NCS1: variants seen among roughly 807,000 people sequenced by gnomAD.
NCS1 encodes frequenin homolog.
NCS1 carries 6 observed loss-of-function variants against 28.4 expected under a neutral mutation model. The observed-to-expected ratio is 0.21, with a 90% CI of 0.12 to 0.42. NCS1 has a LOEUF of 0.42. NCS1 is among the 10% of genes least tolerant of loss of function. The pLI, the probability that NCS1 is intolerant of heterozygous loss-of-function variation, is 1.00. For synonymous variants in NCS1, 86 were observed against 99.3 expected, an observed-to-expected ratio of 0.87 and a Z score of 0.79; for missense variants, 131 against 241.4, an observed-to-expected ratio of 0.54 and a Z score of 3.03.
At chr9:130,182,872 A>G (rs2131118842) in intron 1 of NCS1, among the ~76,000 whole-genome samples, 1 of 152,282 alleles carries the variant, frequency 6.6e-6, no homozygotes, top group South Asian at 2.1e-4. Context: ...CTTCGGAGGT[A>G]TCTGTCCGAC....
At chr9:130,173,104 C>A (rs1832510624) in intron 1 of NCS1, among the ~76,000 whole-genome samples, 1 of 152,102 alleles carries the variant, frequency 6.6e-6, no homozygotes, top group Non-Finnish European at 1.5e-5. Flanking sequence ...AGCCGACTGG[C>A]ACGAGCGCGC....
intron 1 of NCS1, among the ~76,000 whole-genome samples, chr9:130,187,653 C>G (rs541799361): frequency 2.4e-4 from 37 of 152,304 alleles, no homozygotes; most frequent in Non-Finnish European, 2.9e-4. Context: ...GCTGGTTCCA[C>G]CCCTGGTGCC....
chr9:130,234,178 G>A lies in NCS1; in HGVS notation c.*1206G>A, dbSNP rs34954279. On this transcript the variant is annotated 3_prime_UTR_variant, in exon 8 of 8. Transcript: ENST00000372398. This position sits in a 1 kb window ranked among gnomAD's most constrained non-coding sequence, Gnocchi z 6.1. ...GGGAGGGGATTTCAAGATAGTTCATGACTCTCTCCCGCTCTGCCTTCCCTC... is the reference window on the plus strand; with the variant it reads ...GGGAGGGGATTTCAAGATAGTTCATAACTCTCTCCCGCTCTGCCTTCCCTC... 6,190 of 152,278 alleles carry A rather than the reference G, an allele frequency of 0.041. 175 individuals are homozygous for A. Among genetic ancestry groups the A allele is most frequent in the Non-Finnish European group, 0.054 (3,693 of 68,040 alleles). The allele number at this position is 152,278 out of a possible 1,614,324, so 9.4% of individuals were successfully genotyped here.
At chr9:130,178,688 G>T (rs1366669999) in intron 1 of NCS1, among the ~76,000 whole-genome samples, 1 of 152,120 alleles carries the variant, frequency 6.6e-6, no homozygotes, top group Non-Finnish European at 1.5e-5. Flanking sequence ...AATTGTTGTT[G>T]GCTGCAGTCC....
rs1476338406 is a variant in NCS1, at chr9:130,192,635, C to T, written c.65-8323C>T. On this transcript the variant is annotated intron_variant, in intron 1 of 7. Coordinates refer to ENST00000372398, the MANE Select transcript of NCS1 (RefSeq NM_014286.4). This position sits in a 1 kb window ranked among gnomAD's most constrained non-coding sequence, Gnocchi z 4.8. ...GAGCAAAGGTGGGCAGCCAGGACTC[C>T]CTGCCCACCCAGGAACACCAGCATA... Among the ~76,000 whole-genome samples the T allele has an allele frequency of 6.6e-6, 1 of 152,066 alleles. No individual in the cohort carries two copies. Among genetic ancestry groups the T allele is most frequent in the Non-Finnish European group, 1.5e-5 (1 of 68,002 alleles).
At chr9:130,183,286 G>A (rs570811602) in intron 1 of NCS1, among the ~76,000 whole-genome samples, 11 of 149,928 alleles carry the variant, frequency 7.3e-5, no homozygotes, top group African/African-American at 2.2e-4. Context: ...TCTCAGCTCC[G>A]GGTGCCCTGA....
chr9:130,206,068 A>T (rs1302943677), intron 2 of NCS1, among the ~76,000 whole-genome samples: 4 of 152,190 alleles, frequency 2.6e-5, no homozygotes, highest in East Asian at 3.9e-4. Flanking sequence ...AGGGATGGTT[A>T]GACAGTGACA....
In NCS1 at chr9:130,172,602, C is replaced by A; in HGVS notation, c.-62C>A. On this transcript the variant is annotated 5_prime_UTR_variant, in exon 1 of 8. Coordinates refer to ENST00000372398, the MANE Select transcript of NCS1 (RefSeq NM_014286.4). ...CCCGGCCCGGCCCGCCCGGCCCAGC[C>A]GCTCCTGCTGGGCGCCCCAACCGGG... The A allele has an allele frequency of 1.0e-6, 1 of 993,860 alleles. No individual in the cohort carries two copies. Among genetic ancestry groups the A allele is most frequent in the Non-Finnish European group, 1.3e-6 (1 of 768,764 alleles). The allele number at this position is 993,860 out of a possible 1,614,324, so 61.6% of individuals were successfully genotyped here.
At chr9:130,193,883 G>T (rs79218716) in intron 1 of NCS1, 3 of 152,354 alleles carry the variant, frequency 2.0e-5, no homozygotes, top group African/African-American at 7.2e-5. Context: ...GGTCACTCGT[G>T]GCCAGGCCCA....
intron 1 of NCS1, among the ~76,000 whole-genome samples, chr9:130,195,673 C>G (rs1309408820): frequency 6.6e-6 from 1 of 152,256 alleles, no homozygotes; most frequent in Non-Finnish European, 1.5e-5. Context: ...ATCCGCCCAC[C>G]TTGCCCTCCC....
intron 2 of NCS1, among the ~76,000 whole-genome samples, chr9:130,204,248 C>T (rs1427086981): frequency 1.3e-5 from 2 of 151,938 alleles, no homozygotes; most frequent in Non-Finnish European, 1.5e-5. Context: ...CTGCCCTCCT[C>T]GGCCTCCCAA....
Position 130,236,112 on chromosome 9 carries a change from G to C in NCS1, c.*3140G>C, listed in dbSNP as rs549771589. 6.6e-6 allele frequency: 1 copy of C among 152,192 alleles called. No homozygotes were observed. The highest frequency in any genetic ancestry group is 1.5e-5 in the Non-Finnish European group (1 of 68,050). 9.4% of individuals were successfully genotyped at this position (152,192 alleles called of 1,614,324 possible). On this transcript the variant is annotated 3_prime_UTR_variant, in exon 8 of 8. Transcript: ENST00000372398. ...GAAATGCTTTTCAGTTTGACAGCCCGTTTCCTAGACAAGTGCACCTGGGGT... is the reference window on the plus strand; with the variant it reads ...GAAATGCTTTTCAGTTTGACAGCCCCTTTCCTAGACAAGTGCACCTGGGGT...
chr9:130,221,348 A>G (rs1488065590), intron 4 of NCS1, among the ~76,000 whole-genome samples: 4 of 142,724 alleles, frequency 2.8e-5, no homozygotes, highest in East Asian at 2.0e-4. Flanking sequence ...ATATATATAT[A>G]TAAAATATTT....
intron 5 of NCS1, 53 bp from the exon 6 acceptor site, chr9:130,223,028 AG>A (rs2131156819): frequency 6.6e-7 from 1 of 1,511,564 alleles, no homozygotes; most frequent in East Asian, 2.3e-5. Flanking sequence ...TGCGTGGCCA[AG>A]AGCCCAAAGC....
intron 1 of NCS1, among the ~76,000 whole-genome samples, chr9:130,190,482 C>A (rs1554906137): frequency 6.6e-6 from 1 of 152,150 alleles, no homozygotes; most frequent in African/African-American, 2.4e-5. Context: ...CCGACTTGTC[C>A]AATGTCACAC....
In NCS1 at chr9:130,172,740, A is replaced by G. The variant is rs1204081560; in HGVS notation, c.64+13A>G. 1.9e-5 allele frequency: 27 copies of G among 1,418,006 alleles called. No individual in the cohort carries two copies. Among genetic ancestry groups the G allele is most frequent in the Non-Finnish European group, 2.5e-5 (27 of 1,068,546 alleles). The allele number at this position is 1,418,006 out of a possible 1,614,324, so 87.8% of individuals were successfully genotyped here. A position where few individuals can be genotyped will look rare whatever the true frequency, so the allele number is the denominator to read the frequency against. Reference sequence around the variant, plus strand: ...AGGAAGACCTACTGTGAGTGCTCCCAGCCCCCAGCCCGCGCCCCGCGGTCA... The same window carrying G: ...AGGAAGACCTACTGTGAGTGCTCCCGGCCCCCAGCCCGCGCCCCGCGGTCA... On this transcript the variant is annotated intron_variant, in intron 1 of 7. Transcript: ENST00000372398.
At position 130,180,028 on chromosome 9, in the gene NCS1, TATCTATC is replaced by T. The variant is rs1554905007; in HGVS notation, c.64+7302_64+7308del. Among the ~76,000 whole-genome samples the T allele has an allele frequency of 5.3e-5, 8 of 150,414 alleles. No individual in the cohort carries two copies. The highest frequency in any genetic ancestry group is 1.7e-4 in the African/African-American group (7 of 41,128). The stretch of plus-strand genomic sequence containing the variant: ...CTATCTATCTATCTATCTATCTATC[TATCTATC>T]TATCTATCTATCTATCGAGATGGAA... On this transcript the variant is annotated intron_variant, in intron 1 of 7. Coordinates refer to ENST00000372398, the MANE Select transcript of NCS1 (RefSeq NM_014286.4). The surrounding 1 kb of genome is among the most constrained non-coding windows in gnomAD (Gnocchi z 4.5).
intron 1 of NCS1, chr9:130,200,626 T>C (rs1332172774): frequency 1.3e-6 from 2 of 1,551,656 alleles, no homozygotes; most frequent in African/African-American, 2.7e-5. Flanking sequence ...GTCTTAGATG[T>C]TGGCCTGGGA....
intron 7 of NCS1, among the ~76,000 whole-genome samples, chr9:130,231,741 A>G (rs1170766164): frequency 6.6e-6 from 1 of 151,966 alleles, no homozygotes; most frequent in Non-Finnish European, 1.5e-5. Flanking sequence ...GCTGGGTCAT[A>G]TGGTTAACTC....
Sources: gnomAD v4.1 joint callset for allele counts (sites outside exome capture counted in the v4.1 genomes callset) on GRCh38, gnomAD v4.1.1 for gene constraint, Gnocchi (gnomAD v3.1) non-coding constraint, MANE v1.5 for transcripts, NCBI Gene and HGNC (gene_info 2026-07-23, HGNC 2026-07-21) for gene names.